The following LRP1B variants were observed in gnomAD, a reference collection of about 807,000 sequenced individuals.
LRP1B encodes low-density lipoprotein receptor-related protein 1B.
LRP1B carries 217 observed loss-of-function variants against 556.6 expected under a neutral mutation model. The observed-to-expected ratio is 0.39, with a 90% CI of 0.35 to 0.44. The LOEUF is 0.44. LRP1B is among the 20% of genes least tolerant of loss of function. LRP1B has a pLI of 1.00. For synonymous variants in LRP1B, 2,047 were observed against 1,865.8 expected (o/e 1.10, Z -2.50); for missense variants, 5,053 against 5,620.8 (o/e 0.90, Z 3.23).
At chr2:141,449,814 T>G (rs1681345171) in intron 3 of LRP1B, among the ~76,000 whole-genome samples, 1 of 152,202 alleles carries the variant, frequency 6.6e-6, no homozygotes, top group Non-Finnish European at 1.5e-5. Flanking sequence ...TTTAAACAAG[T>G]ATTTCTCAAA....
intron 77 of LRP1B, among the ~76,000 whole-genome samples, chr2:140,344,491 C>T (rs1681553530): frequency 6.6e-6 from 1 of 151,580 alleles, no homozygotes; most frequent in Admixed American, 6.6e-5. Context: ...AACTCTTGGA[C>T]ATACCTTGAA....
At chr2:140,822,745 T>C (rs1691370454) in intron 31 of LRP1B, among the ~76,000 whole-genome samples, 1 of 152,198 alleles carries the variant, frequency 6.6e-6, no homozygotes, top group Non-Finnish European at 1.5e-5. Flanking sequence ...CTTTATTCCA[T>C]TATCTTTGCT....
chr2:141,772,878 C>T (rs755768811), intron 2 of LRP1B, among the ~76,000 whole-genome samples: 5 of 152,136 alleles, frequency 3.3e-5, no homozygotes, highest in Non-Finnish European at 7.4e-5. Context: ...TCTTTCTACC[C>T]GTCAGGGCTG....
At chr2:141,891,101 A>G (rs911326138) in intron 1 of LRP1B, among the ~76,000 whole-genome samples, 4 of 152,136 alleles carry the variant, frequency 2.6e-5, no homozygotes, top group African/African-American at 9.6e-5. Context: ...ATGCCACTGG[A>G]TGAAATATTC....
At chr2:140,825,000 G>T (rs1211152447) in intron 31 of LRP1B, among the ~76,000 whole-genome samples, 1 of 152,072 alleles carries the variant, frequency 6.6e-6, no homozygotes, top group African/African-American at 2.4e-5. Context: ...TAGCTTTGTG[G>T]TGCTTCTCTT....
chr2:141,827,131 T>C (rs1200784534), intron 1 of LRP1B, among the ~76,000 whole-genome samples: 1 of 152,226 alleles, frequency 6.6e-6, no homozygotes, highest in Non-Finnish European at 1.5e-5. Flanking sequence ...ATTCTTAAAG[T>C]GTATTCTTAA....
In LRP1B at chr2:140,475,221, A is replaced by G. The variant is rs377526659; in HGVS notation, c.9542T>C (p.Ile3181Thr). The G allele has an allele frequency of 1.9e-6, 3 of 1,611,602 alleles. No individual in the cohort carries two copies. The African/African-American group carries it at 4.0e-5, about 22-fold the overall frequency. ...GTAGAGTCTACGATTAACATAATCT[A>G]TTGTTAGTGCCATAGGTCTAGAAAT... ...TKISRPMALT[I>T]DYVNRRLYWA... The change falls in exon 60 of 91, where the codon ATA (isoleucine) becomes ACA (threonine). Residue 3181 changes from isoleucine to threonine, a missense_variant. Physicochemically the swap from Ile to Thr is moderately conservative, Grantham distance 89 (BLOSUM62 -1). This residue lies in a region of LRP1B where 3,619 missense variants were observed against 3,931.9 expected (regional missense o/e 0.92). Transcript: ENST00000389484.
rs747895045 is a variant in LRP1B at position 141,013,567 on chromosome 2, C to T, written c.2369G>A (p.Arg790Gln). 1.2e-5 allele frequency: 19 copies of T among 1,606,586 alleles called. No individual in the cohort carries two copies. Among genetic ancestry groups the T allele is most frequent in the Non-Finnish European group, 1.6e-5 (19 of 1,177,128 alleles). Residue 790 changes from arginine to glutamine, a missense_variant, in exon 14 of 91, where the codon CGA becomes CAA. By Grantham distance (43) the Arg-to-Gln change is conservative. Coordinates refer to ENST00000389484, the MANE Select transcript of LRP1B (RefSeq NM_018557.3). The part of the protein sequence containing the change: ...PLFGLQIYDP[R>Q]KQQGDNMCRV... ...TTGTTTTTTAATACCTTGTTGCTTT[C>T]GTGGATCATAAATCTGAAGCCCAAA...
intron 79 of LRP1B, among the ~76,000 whole-genome samples, chr2:140,327,196 T>C (rs1478463869): frequency 6.6e-6 from 1 of 152,110 alleles, no homozygotes; most frequent in African/African-American, 2.4e-5. Context: ...GAATGAAAGG[T>C]ACTTTTGAGT....
intron 2 of LRP1B, among the ~76,000 whole-genome samples, chr2:141,696,990 AAAAT>A (rs1206062427): frequency 6.6e-6 from 1 of 152,010 alleles, no homozygotes; most frequent in Non-Finnish European, 1.5e-5. Flanking sequence ...GTCCTTATAA[AAAAT>A]AAGATAGGTC....
At chr2:141,906,622 G>A (rs1699767957) in intron 1 of LRP1B, among the ~76,000 whole-genome samples, 1 of 151,956 alleles carries the variant, frequency 6.6e-6, no homozygotes, top group Non-Finnish European at 1.5e-5. Context: ...TCTTCCTGTT[G>A]ATAGTATATT....
chr2:141,213,576 T>C (rs556146589), intron 6 of LRP1B, among the ~76,000 whole-genome samples: 16 of 152,282 alleles, frequency 1.1e-4, no homozygotes, highest in Admixed American at 9.8e-4. Context: ...TGAGAGAATG[T>C]ACAAACTCCA....
intron 2 of LRP1B, among the ~76,000 whole-genome samples, chr2:141,660,505 G>A (rs1176225954): frequency 6.6e-6 from 1 of 152,090 alleles, no homozygotes; most frequent in African/African-American, 2.4e-5. Flanking sequence ...CGGAAACTGG[G>A]CAGTTTGGAC....
In LRP1B at chr2:140,963,414, C is replaced by T. The variant is rs185566571; in HGVS notation, c.2888-11474G>A. ...TTATTTCCTTTGACCCTGATTTTTA[C>T]GTGTGTGTGTGTGCATGTACATGCA... On this transcript the variant is annotated intron_variant, in intron 18 of 90. Transcript: ENST00000389484. Among the ~76,000 whole-genome samples, 30 of 150,980 alleles carry T rather than the reference C, an allele frequency of 2.0e-4. No individual in the cohort carries two copies. In the East Asian group the frequency reaches 3.5e-3, roughly 18 times the overall value.
intron 7 of LRP1B, among the ~76,000 whole-genome samples, chr2:141,162,376 A>G (rs1388369628): frequency 6.6e-6 from 1 of 151,978 alleles, no homozygotes; most frequent in East Asian, 1.9e-4. Flanking sequence ...AGTATTCACG[A>G]TCTTTTGTCT....
intron 83 of LRP1B, among the ~76,000 whole-genome samples, chr2:140,306,095 T>G (rs12692046): frequency 5.5e-3 from 579 of 104,964 alleles, no homozygotes; most frequent in Admixed American, 6.7e-3. Flanking sequence ...ATTCATCAGG[T>G]ATATTGGTCT....
chr2:141,017,285 T>G (rs1287554757), intron 12 of LRP1B, among the ~76,000 whole-genome samples: 1 of 152,048 alleles, frequency 6.6e-6, no homozygotes, highest in African/African-American at 2.4e-5. Context: ...TGCAATCTTT[T>G]CATCTCTATT....
chr2:140,726,205 T>C (rs1687587823), intron 35 of LRP1B, among the ~76,000 whole-genome samples: 1 of 152,168 alleles, frequency 6.6e-6, no homozygotes. Flanking sequence ...TTGCTATTAG[T>C]GGTTCAGTAC....
At chr2:140,260,168 G>C (rs948341181) in intron 86 of LRP1B, among the ~76,000 whole-genome samples, 4 of 151,870 alleles carry the variant, frequency 2.6e-5, no homozygotes, top group African/African-American at 9.7e-5. Flanking sequence ...TGGGCAAGAA[G>C]CAATAATATA....
Sources: allele counts gnomAD v4.1 joint callset (sites outside exome capture counted in the v4.1 genomes callset), GRCh38; gene constraint gnomAD v4.1.1; regional missense constraint gnomAD v4.1.1; transcripts MANE v1.5; gene names NCBI Gene and HGNC (gene_info 2026-07-23, HGNC 2026-07-21).